The following MREG variants were observed in gnomAD, a reference collection of about 807,000 sequenced individuals.
MREG encodes melanoregulin.
MREG carries 31 observed loss-of-function variants against 28.5 expected under a neutral mutation model. That is an observed-to-expected ratio of 1.09 (90% CI 0.82 to 1.47). The LOEUF (loss-of-function observed/expected upper bound fraction) is 1.47, where lower values mean the gene tolerates loss of function less well. MREG is among the 40% of genes most tolerant of loss of function. The probability of loss-of-function intolerance (pLI) is 0.00; values close to 1 mark genes in which losing one functional copy is unlikely to be tolerated. For missense variants in MREG, 256 were observed against 257.4 expected, an observed-to-expected ratio of 0.99 and a Z score of 0.04; for synonymous variants, 106 against 95.2, an observed-to-expected ratio of 1.11 and a Z score of -0.66.
chr2:215,962,587 A>C (rs1574604423), intron 2 of MREG, among the ~76,000 whole-genome samples: 1 of 152,258 alleles, frequency 6.6e-6, no homozygotes, highest in South Asian at 2.1e-4. Context: ...AGGCAGAAAT[A>C]GCCAATTCGT....
intron 2 of MREG, among the ~76,000 whole-genome samples, chr2:215,975,211 A>T (rs1693223600): frequency 6.6e-6 from 1 of 152,080 alleles, no homozygotes; most frequent in South Asian, 2.1e-4. Context: ...ATTTAGCAAT[A>T]GATCATAACC....
intron 2 of MREG, among the ~76,000 whole-genome samples, chr2:215,991,511 A>G (rs1282540840): frequency 1.3e-5 from 2 of 152,156 alleles, no homozygotes; most frequent in Non-Finnish European, 2.9e-5. Flanking sequence ...CAAATTCAAA[A>G]GCTAGCAGAG....
chr2:215,943,701 T>C lies in MREG; in HGVS notation c.*1162A>G. 1 of 341,544 alleles carries C rather than the reference T, an allele frequency of 2.9e-6. No individual in the cohort carries two copies. Among genetic ancestry groups the C allele is most frequent in the Non-Finnish European group, 5.8e-6 (1 of 172,592 alleles). The allele number at this position is 341,544 out of a possible 1,614,324, so 21.2% of individuals were successfully genotyped here. On this transcript the variant is annotated 3_prime_UTR_variant, in exon 5 of 5. Transcript: ENST00000263268. ...CTAAAAATACAAAAAATTAGCCAGG[T>C]GTGGTGGCACGCGCCTGTAGTTCCA...
intron 2 of MREG, among the ~76,000 whole-genome samples, chr2:215,979,471 AAT>A (rs1559184947): frequency 3.1e-3 from 127 of 40,762 alleles, no homozygotes; most frequent in East Asian, 0.019. Context: ...CTCAAAAAAT[AAT>A]AATAATAATA....
At chr2:215,949,675 GC>G (rs1692435902) in intron 2 of MREG, among the ~76,000 whole-genome samples, 1 of 151,960 alleles carries the variant, frequency 6.6e-6, no homozygotes, top group Non-Finnish European at 1.5e-5. Context: ...AAGAAAAATT[GC>G]TCTGCTCTAA....
At chr2:215,985,690 A>G (rs1693550259) in intron 2 of MREG, among the ~76,000 whole-genome samples, 2 of 152,146 alleles carry the variant, frequency 1.3e-5, no homozygotes, top group African/African-American at 2.4e-5. Context: ...GATTCCAAGG[A>G]GAATGCAGAT....
At chr2:215,958,504 G>T (rs956120218) in intron 2 of MREG, among the ~76,000 whole-genome samples, 2 of 152,140 alleles carry the variant, frequency 1.3e-5, no homozygotes, top group Non-Finnish European at 2.9e-5. Context: ...CTCTTCATAG[G>T]GCAGCTGGCT....
At chr2:215,942,296 G>A (rs1574582586), downstream of MREG, among the ~76,000 whole-genome samples, 1 of 152,096 alleles carries the variant, frequency 6.6e-6, no homozygotes, top group African/African-American at 2.4e-5. Flanking sequence ...TAAAGTAGTC[G>A]ACAGGGAGAC....
chr2:215,949,062 ACTACTACTACTACTACTACTACTAC>A (rs1692397866), intron 2 of MREG, among the ~76,000 whole-genome samples: 1 of 141,232 alleles, frequency 7.1e-6, no homozygotes, highest in South Asian at 2.4e-4. Context: ...TACTACTACT[ACTACTACTACTACTACTACTACTAC>A]TAATAATAAT....
At chr2:216,020,578 A>G (rs1694505277) in intron 1 of MREG, among the ~76,000 whole-genome samples, 1 of 152,202 alleles carries the variant, frequency 6.6e-6, no homozygotes, top group Non-Finnish European at 1.5e-5. Flanking sequence ...AGCTCAAGTG[A>G]AGAGGAGCTG....
intron 1 of MREG, among the ~76,000 whole-genome samples, chr2:216,003,612 T>C (rs1273769131): frequency 1.3e-5 from 2 of 152,184 alleles, no homozygotes; most frequent in Admixed American, 1.3e-4. Flanking sequence ...CCATCTCCGC[T>C]GGGATGTCTC....
intron 2 of MREG, among the ~76,000 whole-genome samples, chr2:215,952,757 T>G (rs1337839503): frequency 6.6e-6 from 1 of 152,102 alleles, no homozygotes; most frequent in African/African-American, 2.4e-5. Flanking sequence ...CCAGAGGTTT[T>G]CATTTTTCAT....
intron 1 of MREG, among the ~76,000 whole-genome samples, chr2:215,997,070 C>G (rs538393464): frequency 2.6e-5 from 4 of 152,168 alleles, no homozygotes; most frequent in African/African-American, 7.2e-5. Flanking sequence ...TGTGAGCCAC[C>G]GCGCCCAGCC....
chr2:215,977,414 C>T (rs142346047), intron 2 of MREG, among the ~76,000 whole-genome samples: 1,888 of 152,258 alleles, frequency 0.012, 39 homozygotes, highest in African/African-American at 0.042. Context: ...GACTTAGACT[C>T]CCACACAACA....
At chr2:215,975,008 T>TTATATATATATGTATATA (rs1693212959) in intron 2 of MREG, among the ~76,000 whole-genome samples, 1 of 106,608 alleles carries the variant, frequency 9.4e-6, no homozygotes, top group Non-Finnish European at 1.9e-5. Flanking sequence ...TTTATATGAA[T>TTATATATATATGTATATA]TATATATATA....
At chr2:215,955,946 AT>A (rs1692616541) in intron 2 of MREG, among the ~76,000 whole-genome samples, 1 of 152,202 alleles carries the variant, frequency 6.6e-6, no homozygotes, top group Non-Finnish European at 1.5e-5. Flanking sequence ...GTCTCCAGTA[AT>A]GCACCGTGGG....
intron 2 of MREG, among the ~76,000 whole-genome samples, chr2:215,979,478 AT>A (rs58849445): frequency 7.8e-6 from 1 of 127,876 alleles, no homozygotes; most frequent in African/African-American, 2.9e-5. Context: ...AATAATAATA[AT>A]AATAATAATA....
chr2:215,991,828 C>T (rs1424397544), intron 2 of MREG, among the ~76,000 whole-genome samples: 7 of 152,214 alleles, frequency 4.6e-5, no homozygotes, highest in African/African-American at 1.7e-4. Flanking sequence ...CACATACACA[C>T]TCCTAAGACT....
At chr2:216,014,520 G>A (rs562633993), upstream of MREG, among the ~76,000 whole-genome samples, 11 of 152,082 alleles carry the variant, frequency 7.2e-5, no homozygotes, top group South Asian at 2.3e-3. Flanking sequence ...ATGGTGGCGG[G>A]CGCCTGTAGT....
Sources: allele counts gnomAD v4.1 joint callset (sites outside exome capture counted in the v4.1 genomes callset), GRCh38; gene constraint gnomAD v4.1.1; transcripts MANE v1.5; gene names NCBI Gene and HGNC (gene_info 2026-07-23, HGNC 2026-07-21).